The following LGMN variants were observed in gnomAD, a reference collection of about 807,000 sequenced individuals.
LGMN encodes the protein asparaginyl endopeptidase.
Under a neutral mutation model 56.8 loss-of-function variants are expected in LGMN, and 36 were observed. The observed-to-expected ratio is 0.63, with a 90% CI of 0.49 to 0.84. The LOEUF (loss-of-function observed/expected upper bound fraction) is 0.84. Ranked by LOEUF, LGMN falls within the 40% of genes least tolerant of loss-of-function variation. The probability of loss-of-function intolerance (pLI) is 0.00; values close to 1 mark genes in which losing one functional copy is unlikely to be tolerated. For synonymous variants in LGMN, 199 were observed against 210.1 expected, an observed-to-expected ratio of 0.95 and a Z score of 0.46; for missense variants, 446 against 556.1, an observed-to-expected ratio of 0.80 and a Z score of 1.99.
chr14:92,747,807 A>G (rs919616590), intron 1 of LGMN, among the ~76,000 whole-genome samples: 1 of 152,180 alleles, frequency 6.6e-6, no homozygotes, highest in Non-Finnish European at 1.5e-5. Flanking sequence ...TTCATCTATA[A>G]AACAAAGCAC....
intron 1 of LGMN, among the ~76,000 whole-genome samples, chr14:92,738,250 C>T (rs945449249): frequency 6.6e-6 from 1 of 151,712 alleles, no homozygotes; most frequent in Non-Finnish European, 1.5e-5. Flanking sequence ...AGAAAAGTGC[C>T]CTACTGATAC....
chr14:92,711,712 G>C lies in LGMN; in HGVS notation c.766C>G (p.His256Asp). 1 of 1,614,194 alleles carries C rather than the reference G, an allele frequency of 6.2e-7. No individual in the cohort carries two copies. The highest frequency in any genetic ancestry group is 2.2e-5 in the East Asian group (1 of 44,890). ...GTGTTGGTGTGCGATTTTACCAGGT[G>C]GTACTGCTTGTGCAGGGTCTCTTTA... ...LTKETLHKQYHLVKSHTNTSH... is the reference protein window; with the variant it reads ...LTKETLHKQYDLVKSHTNTSH... The change falls in exon 10 of 14, where the codon CAC becomes GAC. Residue 256 changes from histidine (H) to aspartate (D), a missense_variant. Coordinates refer to ENST00000334869, the MANE Select transcript of LGMN (RefSeq NM_005606.7).
chr14:92,717,427 T>C lies in LGMN; in HGVS notation c.271A>G (p.Asn91Asp), dbSNP rs1461637792. ...PTPGIVINRPNGTDVYQGVPK... is the reference protein window; with the variant it reads ...PTPGIVINRPDGTDVYQGVPK... ...ACTCCCTGATAGACATCTGTGCCAT[T>C]GGGCCTGTTGATCACAATTCCTGGA... Residue 91 changes from asparagine (N) to aspartate (D), a missense_variant, in exon 4 of 14, where the codon AAT (asparagine) becomes GAT (aspartate). Coordinates refer to ENST00000334869, the MANE Select transcript of LGMN (RefSeq NM_005606.7). 5 of 1,613,676 alleles carry C rather than the reference T, an allele frequency of 3.1e-6. No homozygotes were observed. Among genetic ancestry groups the C allele is most frequent in the Non-Finnish European group, 4.2e-6 (5 of 1,179,604 alleles).
Position 92,732,754 on chromosome 14 carries a change from C to T in LGMN, c.33G>A (p.Val11=). The T allele has an allele frequency of 6.2e-7, 1 of 1,614,176 alleles. No homozygotes were observed. Among genetic ancestry groups the T allele is most frequent in the Non-Finnish European group, 8.5e-7 (1 of 1,180,022 alleles). Residue 11 remains valine (V), a synonymous_variant, in exon 2 of 14, where the codon GTG becomes GTA. Transcript: ENST00000334869. ...TAGGAACGGCACCAATGCCCAGGGC[C>T]ACACTGAGGAATACAGCTACTTTCC... The part of the protein sequence containing the change: MVWKVAVFLS[V]ALGIGAVPID...
At chr14:92,727,642 T>TTCTGTGGAAGC (rs1319971724) in intron 2 of LGMN, among the ~76,000 whole-genome samples, 8 of 152,032 alleles carry the variant, frequency 5.3e-5, no homozygotes, top group Non-Finnish European at 1.2e-4. Context: ...CGGAAAGAGC[T>TTCTGTGGAAGC]TCTGTGGAAA....
chr14:92,723,888 C>T (rs540942212), intron 2 of LGMN, among the ~76,000 whole-genome samples: 18 of 152,234 alleles, frequency 1.2e-4, no homozygotes, highest in East Asian at 9.6e-4. Flanking sequence ...TGTGCCACCA[C>T]GCCCAGCTAA....
chr14:92,711,211 G>T (rs1489525105), intron 10 of LGMN, among the ~76,000 whole-genome samples: 1 of 152,168 alleles, frequency 6.6e-6, no homozygotes, highest in African/African-American at 2.4e-5. Context: ...AAGGGTAAAG[G>T]TAACAACCTG....
In LGMN at chr14:92,745,620, G is replaced by T. The variant is rs191097097; in HGVS notation, c.-30+2869C>A. Among the ~76,000 whole-genome samples the T allele has an allele frequency of 3.3e-5, 5 of 152,256 alleles. No individual in the cohort carries two copies. In the East Asian group the frequency reaches 9.6e-4, roughly 29 times the overall value. On this transcript the variant is annotated intron_variant, in intron 1 of 13. Coordinates refer to ENST00000334869, the MANE Select transcript of LGMN (RefSeq NM_005606.7). ...ACTCTACAAGCATTCCCCTAGTAATGGACATTTAGGCTGTTTCCAATTTTT... is the reference window on the plus strand; with the variant it reads ...ACTCTACAAGCATTCCCCTAGTAATTGACATTTAGGCTGTTTCCAATTTTT...
At chr14:92,716,557 C>T (rs1161899482) in intron 4 of LGMN, among the ~76,000 whole-genome samples, 4 of 152,144 alleles carry the variant, frequency 2.6e-5, no homozygotes, top group Admixed American at 2.6e-4. Flanking sequence ...CACTTGAACC[C>T]GGGAAGCGGA....
rs1889827654 is a variant in LGMN at position 92,712,374 on chromosome 14, T to G, written c.611-419A>C. Among the ~76,000 whole-genome samples the G allele has an allele frequency of 2.6e-5, 4 of 152,236 alleles. No individual in the cohort carries two copies. The South Asian group carries it at 8.3e-4, about 31-fold the overall frequency. ...ACTTACTATCTCTCTACCATGGGCT[T>G]AGAATTGTGCTGGACAAATGCTAGT... is the stretch of plus-strand genomic sequence containing the variant. On this transcript the variant is annotated intron_variant, in intron 8 of 13. Coordinates refer to ENST00000334869, the MANE Select transcript of LGMN (RefSeq NM_005606.7).
rs1003163805 is a variant in LGMN, at chr14:92,705,697, G to A, written c.1191+786C>T. Among the ~76,000 whole-genome samples, 5 of 151,730 alleles carry A rather than the reference G, an allele frequency of 3.3e-5. No homozygotes were observed. In the South Asian group the frequency reaches 6.2e-4, roughly 19 times the overall value. The stretch of plus-strand genomic sequence containing the variant: ...GGCTGGAGTATAGTGGCACAATCTC[G>A]GCTCATTGCAACCTCCACCTCCCTG... On this transcript the variant is annotated intron_variant, in intron 12 of 13. Transcript: ENST00000334869.
At chr14:92,738,396 A>G (rs951953555) in intron 1 of LGMN, among the ~76,000 whole-genome samples, 7 of 150,798 alleles carry the variant, frequency 4.6e-5, no homozygotes, top group Non-Finnish European at 8.8e-5. Context: ...CTCCTGCCTC[A>G]GCCTCCCGAG....
At chr14:92,735,475 G>A (rs1454821920) in intron 1 of LGMN, among the ~76,000 whole-genome samples, 1 of 152,120 alleles carries the variant, frequency 6.6e-6, no homozygotes, top group Non-Finnish European at 1.5e-5. Flanking sequence ...CCAAAGTGGT[G>A]GGATTACAGG....
At position 92,708,856 on chromosome 14, in the gene LGMN, CAAAAAAAA is replaced by C. The variant is rs58813848; in HGVS notation, c.1020+808_1020+815del. Among the ~76,000 whole-genome samples, 13 of 71,638 alleles carry C rather than the reference CAAAAAAAA, an allele frequency of 1.8e-4. No individual in the cohort carries two copies. The Middle Eastern group carries it at 0.031, about 169-fold the overall frequency. The allele number at this position is 71,638 out of a possible 152,430, so 47.0% of individuals were successfully genotyped here. A position where few individuals can be genotyped will look rare whatever the true frequency, so the allele number is the denominator to read the frequency against. ...TGGCGACAGAGCAAGACTCTTGTCT[CAAAAAAAA>C]AAAAAAAAAAAAAAAAATCTTGCCT... is the stretch of plus-strand genomic sequence containing the variant. On this transcript the variant is annotated intron_variant, in intron 11 of 13. Transcript: ENST00000334869.
At chr14:92,723,939 C>T (rs1299214050) in intron 2 of LGMN, among the ~76,000 whole-genome samples, 1 of 152,080 alleles carries the variant, frequency 6.6e-6, no homozygotes, top group Non-Finnish European at 1.5e-5. Flanking sequence ...ACCATGTTGG[C>T]CAGGCTGGTC....
intron 1 of LGMN, among the ~76,000 whole-genome samples, chr14:92,735,652 C>T (rs1208923470): frequency 6.6e-6 from 1 of 152,194 alleles, no homozygotes; most frequent in Non-Finnish European, 1.5e-5. Context: ...TACACTGCTC[C>T]ACCCTCAAGC....
At chr14:92,737,005 G>A (rs1316494590) in intron 1 of LGMN, among the ~76,000 whole-genome samples, 3 of 152,082 alleles carry the variant, frequency 2.0e-5, no homozygotes, top group Admixed American at 6.6e-5. Flanking sequence ...TCCAACCAAC[G>A]GCTCTCACCT....
intron 2 of LGMN, among the ~76,000 whole-genome samples, chr14:92,722,304 G>T (rs1415082223): frequency 6.6e-6 from 1 of 152,126 alleles, no homozygotes; most frequent in Admixed American, 6.5e-5. Context: ...AGGCGCAGTG[G>T]CTCACACCTG....
intron 1 of LGMN, among the ~76,000 whole-genome samples, chr14:92,746,804 A>AG (rs1200817638): frequency 2.0e-5 from 3 of 152,116 alleles, no homozygotes; most frequent in Admixed American, 6.5e-5. Flanking sequence ...TGGGAGGCCG[A>AG]GGGGGGTGGA....
Sources: allele counts gnomAD v4.1 joint callset (sites outside exome capture counted in the v4.1 genomes callset), GRCh38; gene constraint gnomAD v4.1.1; transcripts MANE v1.5; gene names NCBI Gene and HGNC (gene_info 2026-07-23, HGNC 2026-07-21).